The following DLG2 variants were observed in gnomAD, a reference collection of about 807,000 sequenced individuals.
The protein encoded by DLG2 is discs large MAGUK scaffold protein 2.
Under a neutral mutation model 132.5 loss-of-function variants are expected in DLG2, and 45 were observed. The observed-to-expected ratio is 0.34, with a 90% CI of 0.27 to 0.44. The LOEUF (loss-of-function observed/expected upper bound fraction) is 0.44, where lower values mean the gene tolerates loss of function less well. DLG2 is among the 20% of genes least tolerant of loss of function. The pLI, the probability that DLG2 is intolerant of heterozygous loss-of-function variation, is 1.00. For missense variants in DLG2, 1,045 were observed against 1,196.9 expected (o/e 0.87, Z 1.87); for synonymous variants, 424 against 419.6 (o/e 1.01, Z -0.13).
chr11:84,532,602 C>G (rs986277736), intron 7 of DLG2, among the ~76,000 whole-genome samples: 1 of 151,934 alleles, frequency 6.6e-6, no homozygotes, highest in African/African-American at 2.4e-5. Flanking sequence ...CTCAAATGAT[C>G]CTCTCACCTC....
chr11:85,118,378 A>G (rs1276428321), intron 5 of DLG2, among the ~76,000 whole-genome samples: 1 of 152,114 alleles, frequency 6.6e-6, no homozygotes, highest in East Asian at 1.9e-4. Context: ...ACATTTGCCC[A>G]GGTTAACAGA....
chr11:84,474,841 A>G (rs1204667744), intron 7 of DLG2, among the ~76,000 whole-genome samples: 2 of 152,064 alleles, frequency 1.3e-5, no homozygotes, highest in Admixed American at 1.3e-4. Context: ...TCAAGTGAAT[A>G]TAATAGAATC....
At chr11:84,142,096 G>T (rs1349852427) in intron 9 of DLG2, among the ~76,000 whole-genome samples, 3 of 152,020 alleles carry the variant, frequency 2.0e-5, no homozygotes, top group Admixed American at 6.6e-5. Flanking sequence ...GAGGTCAAGA[G>T]ATCGAGACCA....
chr11:84,126,787 TCTG>T (rs1436145455), intron 9 of DLG2, among the ~76,000 whole-genome samples: 1 of 152,234 alleles, frequency 6.6e-6, no homozygotes, highest in Non-Finnish European at 1.5e-5. Context: ...TATAAACTGA[TCTG>T]CTCAGTTATT....
chr11:84,720,619 A>G (rs1285469119), intron 6 of DLG2, among the ~76,000 whole-genome samples: 1 of 152,100 alleles, frequency 6.6e-6, no homozygotes, highest in Non-Finnish European at 1.5e-5. Context: ...GAGGGACAGA[A>G]CCAAGAAAGA....
chr11:84,224,532 T>C (rs1233026515), intron 8 of DLG2, among the ~76,000 whole-genome samples: 1 of 152,208 alleles, frequency 6.6e-6, no homozygotes, highest in Non-Finnish European at 1.5e-5. Context: ...GACATACACT[T>C]TGTACTATGT....
chr11:83,533,646 G>A (rs915504559), intron 20 of DLG2, among the ~76,000 whole-genome samples: 6 of 152,116 alleles, frequency 3.9e-5, no homozygotes, highest in African/African-American at 1.4e-4. Context: ...TTTCACAGAA[G>A]GAACAACACA....
rs538921115 is a variant in DLG2, at chr11:84,891,799, C to A, written c.357+219862G>T. Among the ~76,000 whole-genome samples, 12 of 152,218 alleles carry A rather than the reference C, an allele frequency of 7.9e-5. No homozygotes were observed. In the South Asian group the frequency reaches 2.3e-3, roughly 29 times the overall value. On this transcript the variant is annotated intron_variant, in intron 6 of 27. Coordinates refer to ENST00000376104, the MANE Select transcript of DLG2 (RefSeq NM_001142699.3). ...CCATGTCTAAGCATCTGCTTTGTGC[C>A]AGATATGTGAACAGCCCTGTGAATA...
chr11:83,476,995 A>G (rs1229479489), intron 22 of DLG2, among the ~76,000 whole-genome samples: 7 of 152,034 alleles, frequency 4.6e-5, no homozygotes, highest in Non-Finnish European at 1.0e-4. Context: ...TCCAGTGGAG[A>G]AGTTTTGGGT....
In DLG2 at chr11:84,575,558, T is replaced by C. The variant is rs535044146; in HGVS notation, c.358-40827A>G. Among the ~76,000 whole-genome samples the C allele has an allele frequency of 5.3e-5, 8 of 152,320 alleles. No homozygotes were observed. In the East Asian group the frequency reaches 1.4e-3, roughly 26 times the overall value. Reference sequence around the variant, plus strand: ...ATGTATCTTTTAAGAAAATTTTGTGTGTACATAGTATATATATTTATGGGG... The same window carrying C: ...ATGTATCTTTTAAGAAAATTTTGTGCGTACATAGTATATATATTTATGGGG... On this transcript the variant is annotated intron_variant, in intron 6 of 27. Coordinates refer to ENST00000376104, the MANE Select transcript of DLG2 (RefSeq NM_001142699.3).
At chr11:83,875,877 T>C (rs1269424242) in intron 15 of DLG2, among the ~76,000 whole-genome samples, 2 of 152,138 alleles carry the variant, frequency 1.3e-5, no homozygotes, top group Non-Finnish European at 2.9e-5. Flanking sequence ...TAGATAATAT[T>C]TGTCTAAGGT....
intron 19 of DLG2, among the ~76,000 whole-genome samples, chr11:83,560,688 T>G (rs1401945665): frequency 1.3e-5 from 2 of 152,150 alleles, no homozygotes; most frequent in African/African-American, 4.8e-5. Context: ...ACCTTAACTT[T>G]CCAATCTGTT....
intron 7 of DLG2, among the ~76,000 whole-genome samples, chr11:84,529,304 C>A (rs1288461690): frequency 6.6e-6 from 1 of 152,072 alleles, no homozygotes; most frequent in Non-Finnish European, 1.5e-5. Flanking sequence ...AGCAATCAGG[C>A]AAGAGAAAGA....
chr11:84,933,652 G>T (rs931273489), intron 6 of DLG2, among the ~76,000 whole-genome samples: 2 of 152,032 alleles, frequency 1.3e-5, no homozygotes, highest in Non-Finnish European at 2.9e-5. Flanking sequence ...TCATGATTCG[G>T]CTCTCAGCTT....
At chr11:84,920,114 T>C (rs762664968) in intron 6 of DLG2, among the ~76,000 whole-genome samples, 8 of 152,158 alleles carry the variant, frequency 5.3e-5, no homozygotes, top group Non-Finnish European at 1.2e-4. Flanking sequence ...TTCTAGAAAA[T>C]AGGTAGCAAA....
intron 17 of DLG2, among the ~76,000 whole-genome samples, chr11:83,811,728 T>G (rs2047343264): frequency 6.6e-6 from 1 of 152,114 alleles, no homozygotes; most frequent in South Asian, 2.1e-4. Context: ...TCTTATGTAT[T>G]GTTGGCTATC....
At chr11:84,587,086 T>C (rs2099531585) in intron 6 of DLG2, among the ~76,000 whole-genome samples, 1 of 152,158 alleles carries the variant, frequency 6.6e-6, no homozygotes, top group Non-Finnish European at 1.5e-5. Flanking sequence ...TCACTGGTTT[T>C]ATGGGAGAGT....
intron 17 of DLG2, among the ~76,000 whole-genome samples, chr11:83,803,077 G>A (rs144427069): frequency 6.6e-6 from 1 of 152,158 alleles, no homozygotes; most frequent in African/African-American, 2.4e-5. Flanking sequence ...GGTTATGTAG[G>A]CAAATTTAAA....
intron 19 of DLG2, among the ~76,000 whole-genome samples, chr11:83,580,904 C>A (rs2096963425): frequency 7.1e-6 from 1 of 140,684 alleles, no homozygotes; most frequent in African/African-American, 2.6e-5. Flanking sequence ...CCTTCCCCTC[C>A]CCTCCCCTCC....
Sources: allele counts gnomAD v4.1 joint callset (sites outside exome capture counted in the v4.1 genomes callset), GRCh38; gene constraint gnomAD v4.1.1; transcripts MANE v1.5; gene names NCBI Gene and HGNC (gene_info 2026-07-23, HGNC 2026-07-21).